Variants in GABRG2 observed in about 807,000 individuals in gnomAD.
GABRG2 encodes the protein gamma-aminobutyric acid receptor subunit gamma-2.
A neutral mutation model predicts 56.4 loss-of-function variants in GABRG2; 16 were observed. That is an observed-to-expected ratio of 0.28 (90% CI 0.19 to 0.43). The LOEUF (loss-of-function observed/expected upper bound fraction) is 0.43. Ranked by LOEUF, GABRG2 falls within the 20% of genes least tolerant of loss-of-function variation. GABRG2 has a pLI of 1.00. For missense variants in GABRG2, 327 were observed against 582.7 expected, an observed-to-expected ratio of 0.56 and a Z score of 4.52; for synonymous variants, 208 against 205.5, an observed-to-expected ratio of 1.01 and a Z score of -0.10.
chr5:162,100,032 T>G (rs1342875970), intron 4 of GABRG2: 1 of 152,164 alleles, frequency 6.6e-6, no homozygotes, highest in African/African-American at 2.4e-5. Context: ...GAAGAGCATA[T>G]AAATATATAG....
chr5:162,074,097 A>G (rs1038912801), intron 1 of GABRG2, among the ~76,000 whole-genome samples: 3 of 151,928 alleles, frequency 2.0e-5, no homozygotes, highest in Non-Finnish European at 4.4e-5. Context: ...TTTGTCCCCC[A>G]TACTAGAGAA....
At chr5:162,067,605 T>TAAA (rs1171250186), upstream of GABRG2, 2 of 458,608 alleles carry the variant, frequency 4.4e-6, no homozygotes, top group Admixed American at 3.8e-5. Context: ...AACAAACAAA[T>TAAA]AAATAACCCC....
At chr5:162,085,524 CTTTG>C (rs2113229036) in intron 1 of GABRG2, among the ~76,000 whole-genome samples, 1 of 145,812 alleles carries the variant, frequency 6.9e-6, no homozygotes, top group East Asian at 2.1e-4. Context: ...CCTTGGCTTG[CTTTG>C]TTTCTTTTTT....
At chr5:162,121,149 G>A (rs138266983) in intron 6 of GABRG2, among the ~76,000 whole-genome samples, 82 of 152,200 alleles carry the variant, frequency 5.4e-4, no homozygotes, top group Admixed American at 2.4e-3. Flanking sequence ...GTAGATGCTC[G>A]TGAGTCATTC....
intron 6 of GABRG2, among the ~76,000 whole-genome samples, chr5:162,140,732 C>T (rs1449634803): frequency 3.3e-5 from 5 of 152,120 alleles, no homozygotes; most frequent in African/African-American, 9.7e-5. Context: ...AGTGCAGATA[C>T]AATATTTGAA....
chr5:162,093,020 T>C (rs1319955785), intron 1 of GABRG2, among the ~76,000 whole-genome samples: 1 of 152,124 alleles, frequency 6.6e-6, no homozygotes, highest in Non-Finnish European at 1.5e-5. Context: ...CCAGAGTCAT[T>C]CTCAGGTGGC....
At position 162,153,295 on chromosome 5, in the gene GABRG2, A is replaced by G. The variant is rs1765506135; in HGVS notation, c.1355A>G (p.Tyr452Cys). 6.2e-7 allele frequency: 1 copy of G among 1,614,054 alleles called. No individual in the cohort carries two copies. Among genetic ancestry groups the G allele is most frequent in the Non-Finnish European group, 8.5e-7 (1 of 1,179,964 alleles). ...IHIRIAKMDSYARIFFPTAFC... is the reference protein window; with the variant it reads ...IHIRIAKMDSCARIFFPTAFC... Reference sequence around the variant, plus strand: ...ATCCGCATTGCCAAAATGGACTCCTATGCTCGGATCTTCTTCCCCACTGCC... The same window carrying G: ...ATCCGCATTGCCAAAATGGACTCCTGTGCTCGGATCTTCTTCCCCACTGCC... The change falls in exon 10 of 10, where the codon TAT becomes TGT. Residue 452 changes from tyrosine (Y) to cysteine (C), a missense_variant. By Grantham distance (194) the Tyr-to-Cys change is radical. Transcript: ENST00000639213.
chr5:162,111,837 TAC>T (rs1762272539), intron 6 of GABRG2, among the ~76,000 whole-genome samples: 2 of 152,152 alleles, frequency 1.3e-5, no homozygotes, highest in African/African-American at 2.4e-5. Flanking sequence ...TAGCTATTTT[TAC>T]AGAGACATGC....
chr5:162,081,008 T>C (rs1042636478), intron 1 of GABRG2, among the ~76,000 whole-genome samples: 3 of 152,124 alleles, frequency 2.0e-5, no homozygotes, highest in African/African-American at 7.2e-5. Flanking sequence ...TTATGATTTG[T>C]GCATTAATTG....
chr5:162,089,371 G>A (rs912135282), intron 1 of GABRG2, among the ~76,000 whole-genome samples: 3 of 152,016 alleles, frequency 2.0e-5, no homozygotes, highest in Non-Finnish European at 1.5e-5. Flanking sequence ...CTGTGCATGT[G>A]GTAAAGGAAG....
intron 6 of GABRG2, among the ~76,000 whole-genome samples, chr5:162,126,352 A>AC (rs1763340600): frequency 6.6e-6 from 1 of 151,930 alleles, no homozygotes. Context: ...CCAGTGTTCC[A>AC]CCCACCAGTG....
intron 4 of GABRG2, chr5:162,099,842 T>A (rs1426931175): frequency 1.3e-5 from 2 of 152,192 alleles, no homozygotes; most frequent in Non-Finnish European, 2.9e-5. Flanking sequence ...TAAAATGAGC[T>A]ATGAGTGTGT....
intron 4 of GABRG2, chr5:162,100,024 A>G (rs1180430766): frequency 1.3e-5 from 2 of 152,164 alleles, no homozygotes; most frequent in East Asian, 1.9e-4. Flanking sequence ...TTCCCTTTGA[A>G]GAGCATATAA....
chr5:162,141,101 A>G (rs1454437113), intron 6 of GABRG2, among the ~76,000 whole-genome samples: 1 of 152,116 alleles, frequency 6.6e-6, no homozygotes, highest in Non-Finnish European at 1.5e-5. Context: ...CAGTGGCGCC[A>G]TCTCGGCTCA....
chr5:162,099,951 G>T (rs1761295640), intron 4 of GABRG2: 1 of 151,962 alleles, frequency 6.6e-6, no homozygotes, highest in African/African-American at 2.4e-5. Flanking sequence ...AGTTTAATTT[G>T]GAGTAATAAT....
Position 162,094,142 on chromosome 5 carries a change from G to A in GABRG2, c.259+163G>A, listed in dbSNP as rs117731777. 4.4e-5 allele frequency: 31 copies of A among 708,722 alleles called. No homozygotes were observed. The East Asian group carries it at 7.6e-4, about 17-fold the overall frequency. 43.9% of individuals were successfully genotyped at this position (708,722 alleles called of 1,614,324 possible). The stretch of plus-strand genomic sequence containing the variant: ...AAATAGCATTCAGGCCTATGAGTGG[G>A]AGAGGTGTCAATACATTCAAAATGA... On this transcript the variant is annotated intron_variant, in intron 2 of 9. Coordinates refer to ENST00000639213, the MANE Select transcript of GABRG2 (RefSeq NM_198904.4).
intron 6 of GABRG2, among the ~76,000 whole-genome samples, chr5:162,139,774 A>T (rs550245997): frequency 6.6e-6 from 1 of 152,350 alleles, no homozygotes; most frequent in South Asian, 2.1e-4. Flanking sequence ...TTTTTTATTT[A>T]AACACATTTA....
At chr5:162,147,197 C>T (rs1765015518) in intron 7 of GABRG2, among the ~76,000 whole-genome samples, 1 of 150,498 alleles carries the variant, frequency 6.6e-6, no homozygotes, top group Non-Finnish European at 1.5e-5. Context: ...CTTTCTTTCT[C>T]TTTCTTTCTT....
chr5:162,091,401 G>C (rs1028220788), intron 1 of GABRG2, among the ~76,000 whole-genome samples: 3 of 152,042 alleles, frequency 2.0e-5, no homozygotes, highest in Non-Finnish European at 4.4e-5. Flanking sequence ...ACTGTGCTAA[G>C]CACTTAAGCA....
Sources: gnomAD v4.1 joint callset for allele counts (sites outside exome capture counted in the v4.1 genomes callset) on GRCh38, gnomAD v4.1.1 for gene constraint, MANE v1.5 for transcripts, NCBI Gene and HGNC (gene_info 2026-07-23, HGNC 2026-07-21) for gene names.